FOXO3B: variants seen among roughly 807,000 people sequenced by gnomAD.
The protein encoded by FOXO3B is forkhead box O3B, also known as forkhead box protein O3B.
A neutral mutation model predicts 21.9 loss-of-function variants in FOXO3B; 15 were observed. The observed-to-expected ratio is 0.68, with a 90% CI of 0.46 to 1.05. FOXO3B has a LOEUF of 1.05. Ranked by LOEUF, FOXO3B falls within the 50% of genes least tolerant of loss-of-function variation. The pLI is 0.00. For missense variants in FOXO3B, 293 were observed against 435.5 expected (o/e 0.67, Z 2.91); for synonymous variants, 135 against 213.6 (o/e 0.63, Z 3.21).
rs1026084437 is a variant in FOXO3B at position 18,673,104 on chromosome 17, G to A, written c.127-49C>T. 53 of 1,449,164 alleles carry A rather than the reference G, an allele frequency of 3.7e-5. No homozygotes were observed. The African/African-American group carries it at 7.3e-4, about 20-fold the overall frequency. The allele number at this position is 1,449,164 out of a possible 1,614,324, so 89.8% of individuals were successfully genotyped here. A position where few individuals can be genotyped will look rare whatever the true frequency, so the allele number is the denominator to read the frequency against. ...GAAGGAGAGTTGGTTATCCCCGGCC[G>A]GAGCCCCGTCCTCGGCGAGTCCTCG... On this transcript the variant is annotated intron_variant, in intron 3 of 3. Transcript: ENST00000395675.
intron 3 of FOXO3B, 107 bp from the exon 4 acceptor site, chr17:18,673,162 C>T (rs2032413559): frequency 7.7e-7 from 1 of 1,302,924 alleles, no homozygotes; most frequent in Non-Finnish European, 9.8e-7. Flanking sequence ...CTTGCCGCGC[C>T]CGCCTCCCAG....
chr17:18,679,123 T>C (rs1164009066), intron 3 of FOXO3B, among the ~76,000 whole-genome samples: 2 of 152,020 alleles, frequency 1.3e-5, no homozygotes, highest in Non-Finnish European at 2.9e-5. Context: ...TTTAACATTC[T>C]TGTTTGAGCC....
Position 18,674,613 on chromosome 17 carries a change from G to A in FOXO3B, c.127-1558C>T, listed in dbSNP as rs779580977. The stretch of plus-strand genomic sequence containing the variant: ...TGCACTCCAGCCTGGGAAACAAAGC[G>A]AGACTCCATCTCAAAAAAAAAAAAA... On this transcript the variant is annotated intron_variant, in intron 3 of 3. Transcript: ENST00000395675. 8.0e-4 allele frequency among the ~76,000 whole-genome samples: 98 copies of A among 123,184 alleles called. 1 individual carries two copies. In the Middle Eastern group the frequency reaches 0.033, roughly 42 times the overall value. 80.8% of individuals were successfully genotyped at this position (123,184 alleles called of 152,430 possible). A position where few individuals can be genotyped will look rare whatever the true frequency, so the allele number is the denominator to read the frequency against.
intron 3 of FOXO3B, chr17:18,677,228 C>T: frequency 6.5e-7 from 1 of 1,547,638 alleles, no homozygotes; most frequent in Non-Finnish European, 8.8e-7. Context: ...TGTATCTATC[C>T]TCTGATAAAA....
intron 1 of FOXO3B, 76 bp downstream of exon 1, chr17:18,682,128 G>C: frequency 3.1e-6 from 2 of 653,006 alleles, no homozygotes; most frequent in South Asian, 3.1e-5. Context: ...CTCTAGCCCC[G>C]ACTCGGCACA....
chr17:18,671,452 A>C lies in FOXO3B; in HGVS notation c.*857T>G. On this transcript the variant is annotated 3_prime_UTR_variant, in exon 4 of 4. Transcript: ENST00000395675. ...ACAGCGGTGCTGGCCTGAGACATCA[A>C]GGGGTCCGACTGTGTCATCATGACA... 1 of 1,572,980 alleles carries C rather than the reference A, an allele frequency of 6.4e-7. No individual in the cohort carries two copies. The highest frequency in any genetic ancestry group is 8.7e-7 in the Non-Finnish European group (1 of 1,144,088).
At chr17:18,675,683 G>A (rs2032470099) in intron 3 of FOXO3B, among the ~76,000 whole-genome samples, 2 of 152,106 alleles carry the variant, frequency 1.3e-5, no homozygotes, top group Admixed American at 6.5e-5. Context: ...AGTATGCTGA[G>A]GAACTGGGTT....
Position 18,671,669 on chromosome 17 carries a change from C to T in FOXO3B, c.*640G>A. 3 of 1,613,898 alleles carry T rather than the reference C, an allele frequency of 1.9e-6. No homozygotes were observed. Among genetic ancestry groups the T allele is most frequent in the Non-Finnish European group, 1.7e-6 (2 of 1,180,024 alleles). ...TGGTTGGGGAGCTCAGGCCCGAGCCCTTGGTGGTATACGGGAAGCTAGAAC... is the reference window on the plus strand; with the variant it reads ...TGGTTGGGGAGCTCAGGCCCGAGCCTTTGGTGGTATACGGGAAGCTAGAAC... On this transcript the variant is annotated 3_prime_UTR_variant, in exon 4 of 4. Coordinates refer to ENST00000395675, the MANE Select transcript of FOXO3B (RefSeq NM_001368135.1).
Position 18,671,770 on chromosome 17 carries a change from G to A in FOXO3B, c.*539C>T. ...ATGTTATCCAGCAGGTCGTCCATGA[G>A]GTTTTCAGTCAGCCCCATCATTCAG... On this transcript the variant is annotated 3_prime_UTR_variant, in exon 4 of 4. Coordinates refer to ENST00000395675, the MANE Select transcript of FOXO3B (RefSeq NM_001368135.1). 6.2e-7 allele frequency: 1 copy of A among 1,613,566 alleles called. No individual in the cohort carries two copies. Among genetic ancestry groups the A allele is most frequent in the Non-Finnish European group, 8.5e-7 (1 of 1,179,816 alleles).
chr17:18,677,499 C>A, intron 3 of FOXO3B: 2 of 1,614,048 alleles, frequency 1.2e-6, no homozygotes, highest in South Asian at 2.2e-5. Context: ...GGGCCGCCTG[C>A]TCTTGGAGAA....
At chr17:18,680,285 G>T (rs2032561338) in intron 3 of FOXO3B, among the ~76,000 whole-genome samples, 1 of 152,224 alleles carries the variant, frequency 6.6e-6, no homozygotes, top group African/African-American at 2.4e-5. Context: ...GCCTTCATAG[G>T]CTTTCCTTTT....
Position 18,670,827 on chromosome 17 carries a change from T to C in FOXO3B, c.*1482A>G. 9 of 1,461,948 alleles carry C rather than the reference T, an allele frequency of 6.2e-6. No individual in the cohort carries two copies. The highest frequency in any genetic ancestry group is 7.5e-6 in the Non-Finnish European group (8 of 1,068,496). The allele number at this position is 1,461,948 out of a possible 1,614,324, so 90.6% of individuals were successfully genotyped here. ...ACTGTCCACTTGCTGAGAGCAGATT[T>C]GGCAAAGGGTTTTCTCTGTAGGTCT... is the stretch of plus-strand genomic sequence containing the variant. On this transcript the variant is annotated 3_prime_UTR_variant, in exon 4 of 4. Transcript: ENST00000395675.
At chr17:18,674,825 T>C (rs2151735812) in intron 3 of FOXO3B, among the ~76,000 whole-genome samples, 1 of 152,306 alleles carries the variant, frequency 6.6e-6, no homozygotes, top group East Asian at 1.9e-4. Flanking sequence ...GCTGCTTTCA[T>C]ACTACTGTGG....
rs536727629 is a variant in FOXO3B, at chr17:18,675,833, T to C, written c.127-2778A>G. The stretch of plus-strand genomic sequence containing the variant: ...AAAAATAAATACCTGTAAAACAAAA[T>C]TGAACATTTTGGAATAAAATAATCT... On this transcript the variant is annotated intron_variant, in intron 3 of 3. Transcript: ENST00000395675. Among the ~76,000 whole-genome samples the C allele has an allele frequency of 5.0e-4, 76 of 152,174 alleles. 1 individual carries two copies. The highest frequency in any genetic ancestry group is 8.5e-4 in the Admixed American group (13 of 15,286).
Position 18,672,060 on chromosome 17 carries a change from G to A in FOXO3B, c.*249C>T. 6.2e-7 allele frequency: 1 copy of A among 1,610,856 alleles called. No homozygotes were observed. The highest frequency in any genetic ancestry group is 8.5e-7 in the Non-Finnish European group (1 of 1,178,408). Reference sequence around the variant, plus strand: ...GTGACGTGGGGCTGCCAGACCACTTGGAGAGCTGGGAGGGACTGTCGTCAG... The same window carrying A: ...GTGACGTGGGGCTGCCAGACCACTTAGAGAGCTGGGAGGGACTGTCGTCAG... On this transcript the variant is annotated 3_prime_UTR_variant, in exon 4 of 4. Transcript: ENST00000395675. This position sits in a 1 kb window ranked among gnomAD's most constrained non-coding sequence, Gnocchi z 4.2.
In FOXO3B at chr17:18,682,214, G is replaced by A; in HGVS notation, c.-206C>T. On this transcript the variant is annotated 5_prime_UTR_variant, in exon 1 of 4. Transcript: ENST00000395675. ...CCACAAGCAACTCACCTCCCATCCC[G>A]GGCCTCACAAAGGGGACGAACTTCT... is the stretch of plus-strand genomic sequence containing the variant. 1.5e-6 allele frequency: 1 copy of A among 683,354 alleles called. No homozygotes were observed. The highest frequency in any genetic ancestry group is 2.7e-6 in the Non-Finnish European group (1 of 373,852). The allele number at this position is 683,354 out of a possible 1,614,324, so 42.3% of individuals were successfully genotyped here. A position where few individuals can be genotyped will look rare whatever the true frequency, so the allele number is the denominator to read the frequency against.
intron 3 of FOXO3B, among the ~76,000 whole-genome samples, chr17:18,676,938 G>A (rs972985363): frequency 2.6e-5 from 4 of 152,186 alleles, no homozygotes; most frequent in Non-Finnish European, 5.9e-5. Context: ...TCTGACCTCA[G>A]GTGATCCACC....
intron 3 of FOXO3B, among the ~76,000 whole-genome samples, chr17:18,675,573 TTTCTTTATGAGCTA>T (rs2032468217): frequency 6.6e-6 from 1 of 152,092 alleles, no homozygotes. Flanking sequence ...CAGGAAGGAT[TTTCTTTATGAGCTA>T]TATATAATAC....
At chr17:18,674,354 A>G (rs1484320858) in intron 3 of FOXO3B, among the ~76,000 whole-genome samples, 2 of 151,400 alleles carry the variant, frequency 1.3e-5, no homozygotes, top group African/African-American at 2.4e-5. Context: ...TGCTGGACGC[A>G]GTGGCTCACG....
Sources: gnomAD v4.1 joint callset for allele counts (sites outside exome capture counted in the v4.1 genomes callset) on GRCh38, gnomAD v4.1.1 for gene constraint, Gnocchi (gnomAD v3.1) non-coding constraint, MANE v1.5 for transcripts, NCBI Gene and HGNC (gene_info 2026-07-23, HGNC 2026-07-21) for gene names.